The following LHFPL6 variants were observed in gnomAD, a reference collection of about 807,000 sequenced individuals.
The protein encoded by LHFPL6 is LHFPL tetraspan subfamily member 6 protein.
In LHFPL6, 9 loss-of-function variants were observed where a neutral mutation model predicts 20.6. The observed-to-expected ratio is 0.44, with a 90% CI of 0.26 to 0.76. The LOEUF (loss-of-function observed/expected upper bound fraction) is 0.76. LHFPL6 is among the 30% of genes least tolerant of loss of function. LHFPL6 has a pLI of 0.20. For synonymous variants in LHFPL6, 105 were observed against 98.7 expected (o/e 1.06, Z -0.38); for missense variants, 218 against 253.5 (o/e 0.86, Z 0.95).
At chr13:39,528,488 G>C (rs1870362067) in intron 2 of LHFPL6, among the ~76,000 whole-genome samples, 1 of 152,204 alleles carries the variant, frequency 6.6e-6, no homozygotes, top group African/African-American at 2.4e-5. Flanking sequence ...GAGCTCCAGT[G>C]CCAAGCTGTA....
At chr13:39,427,865 C>T (rs910664535) in intron 2 of LHFPL6, among the ~76,000 whole-genome samples, 4 of 152,094 alleles carry the variant, frequency 2.6e-5, no homozygotes, top group Non-Finnish European at 2.9e-5. Context: ...TGGTTAGCAC[C>T]GTCATCTTAG....
intron 3 of LHFPL6, among the ~76,000 whole-genome samples, chr13:39,360,060 GC>G (rs11321233): frequency 0.48 from 49,563 of 103,304 alleles, 14,426 homozygotes; most frequent in East Asian, 0.6. Context: ...TCGCTCTGTC[GC>G]CCAGGTTGGA....
chr13:39,503,199 G>C (rs1869355152), intron 2 of LHFPL6, among the ~76,000 whole-genome samples: 1 of 152,128 alleles, frequency 6.6e-6, no homozygotes, highest in Admixed American at 6.5e-5. Flanking sequence ...TCAACCACTG[G>C]ACACATCGCT....
chr13:39,348,363 C>A (rs1869465819), intron 3 of LHFPL6, among the ~76,000 whole-genome samples: 2 of 152,128 alleles, frequency 1.3e-5, no homozygotes, highest in African/African-American at 4.8e-5. Context: ...GCTGAAGTGC[C>A]CCCTGGTGTG....
rs148968290 is a variant in LHFPL6, at chr13:39,513,901, C to A, written c.385+86931G>T. 2.3e-3 allele frequency among the ~76,000 whole-genome samples: 349 copies of A among 152,276 alleles called. 3 individuals carry two copies. Among genetic ancestry groups the A allele is most frequent in the African/African-American group, 7.7e-3 (320 of 41,550 alleles). ...GATATTTTATGAGATAAATAATACA[C>A]ACAATTCAGTCCCTTCTAACTCTGA... On this transcript the variant is annotated intron_variant, in intron 2 of 3. Coordinates refer to ENST00000379589, the MANE Select transcript of LHFPL6 (RefSeq NM_005780.3).
intron 2 of LHFPL6, among the ~76,000 whole-genome samples, chr13:39,571,186 T>A (rs568968719): frequency 6.6e-6 from 1 of 152,250 alleles, no homozygotes; most frequent in South Asian, 2.1e-4. Flanking sequence ...ATAGGGCAGG[T>A]CCCTGGTGAA....
At chr13:39,378,618 C>T in intron 2 of LHFPL6, 92 bp from the exon 3 acceptor site, 1 of 915,206 alleles carries the variant, frequency 1.1e-6, no homozygotes, top group Non-Finnish European at 1.7e-6. Flanking sequence ...TATAACAAGA[C>T]CATAGCGTCT....
At chr13:39,522,815 T>A (rs1870153993) in intron 2 of LHFPL6, among the ~76,000 whole-genome samples, 1 of 152,194 alleles carries the variant, frequency 6.6e-6, no homozygotes, top group African/African-American at 2.4e-5. Context: ...CTGCACAGGA[T>A]CTAATATAGT....
chr13:39,596,341 C>T (rs1007706772), intron 2 of LHFPL6, among the ~76,000 whole-genome samples: 9 of 152,086 alleles, frequency 5.9e-5, no homozygotes, highest in Admixed American at 1.3e-4. Context: ...AAGCCATCTA[C>T]CAGAAGTCTC....
At chr13:39,386,551 T>G (rs1292769459) in intron 2 of LHFPL6, among the ~76,000 whole-genome samples, 1 of 152,212 alleles carries the variant, frequency 6.6e-6, no homozygotes, top group African/African-American at 2.4e-5. Context: ...ATGATCTCAA[T>G]GCTTGGACAT....
intron 2 of LHFPL6, among the ~76,000 whole-genome samples, chr13:39,454,057 CA>C (rs1446162179): frequency 1.6e-4 from 25 of 152,198 alleles, no homozygotes; most frequent in Non-Finnish European, 2.9e-4. Flanking sequence ...TTGGATGTTC[CA>C]ACCCAGTTTC....
In LHFPL6 at chr13:39,352,849, A is replaced by AT. The variant is rs1566091519; in HGVS notation, c.485-8796_485-8795insA. Reference sequence around the variant, plus strand: ...TATATATATATGTGTATATATATATAAATGTATATATATGTGTATATATAT... The same window carrying AT: ...TATATATATATGTGTATATATATATATAATGTATATATATGTGTATATATAT... On this transcript the variant is annotated intron_variant, in intron 3 of 3. Transcript: ENST00000379589. Among the ~76,000 whole-genome samples the AT allele has an allele frequency of 4.6e-4, 44 of 95,422 alleles. 7 individuals are homozygous for AT. Among genetic ancestry groups the AT allele is most frequent in the South Asian group, 1.3e-3 (3 of 2,286 alleles). 62.6% of individuals were successfully genotyped at this position (95,422 alleles called of 152,430 possible).
At chr13:39,483,067 T>C (rs1485012390) in intron 2 of LHFPL6, among the ~76,000 whole-genome samples, 1 of 152,226 alleles carries the variant, frequency 6.6e-6, no homozygotes, top group Non-Finnish European at 1.5e-5. Context: ...TTTTTTTGTA[T>C]TTCCCACTTT....
intron 2 of LHFPL6, among the ~76,000 whole-genome samples, chr13:39,515,394 C>G (rs1158189571): frequency 1.3e-5 from 2 of 152,226 alleles, no homozygotes; most frequent in Non-Finnish European, 2.9e-5. Flanking sequence ...ATGCATTTTA[C>G]AACATATGAT....
At chr13:39,528,395 C>T (rs1870358850) in intron 2 of LHFPL6, among the ~76,000 whole-genome samples, 1 of 152,098 alleles carries the variant, frequency 6.6e-6, no homozygotes, top group South Asian at 2.1e-4. Flanking sequence ...TAATAAGGTC[C>T]CATGGTCACC....
chr13:39,584,541 A>G (rs2138542717), intron 2 of LHFPL6, among the ~76,000 whole-genome samples: 1 of 151,738 alleles, frequency 6.6e-6, no homozygotes, highest in African/African-American at 2.4e-5. Context: ...AAAAAAAAAA[A>G]AAACCATTAA....
At chr13:39,356,924 C>T (rs1306011534) in intron 3 of LHFPL6, among the ~76,000 whole-genome samples, 1 of 152,220 alleles carries the variant, frequency 6.6e-6, no homozygotes, top group Non-Finnish European at 1.5e-5. Context: ...AATTCCAGCA[C>T]TTTGGAAGGC....
chr13:39,521,903 T>C (rs1299904846), intron 2 of LHFPL6, among the ~76,000 whole-genome samples: 6 of 152,232 alleles, frequency 3.9e-5, no homozygotes, highest in African/African-American at 1.4e-4. Flanking sequence ...GAAAACCAAT[T>C]AGTGACGTGA....
At chr13:39,515,713 T>C (rs1211417947) in intron 2 of LHFPL6, among the ~76,000 whole-genome samples, 2 of 152,158 alleles carry the variant, frequency 1.3e-5, no homozygotes, top group East Asian at 1.9e-4. Flanking sequence ...TATATTAACA[T>C]TAACATTGTC....
Sources: gnomAD v4.1 joint callset for allele counts (sites outside exome capture counted in the v4.1 genomes callset) on GRCh38, gnomAD v4.1.1 for gene constraint, MANE v1.5 for transcripts, NCBI Gene and HGNC (gene_info 2026-07-23, HGNC 2026-07-21) for gene names.